COL11A2: variants seen among roughly 807,000 people sequenced by gnomAD.
COL11A2 encodes the protein collagen type XI alpha 2 chain, also known as collagen alpha-2(XI) chain.
In COL11A2, 116 loss-of-function variants were observed where a neutral mutation model predicts 273.4. The ratio of observed to expected loss-of-function variants is 0.42; its 90% CI spans 0.36 to 0.49. The LOEUF is 0.49. Among genes scored for constraint, COL11A2 ranks in the 20% least tolerant of loss-of-function variants. The pLI, the probability that COL11A2 is intolerant of heterozygous loss-of-function variation, is 0.00. For missense variants in COL11A2, 1,866 were observed against 2,309.0 expected, an observed-to-expected ratio of 0.81 and a Z score of 3.93; for synonymous variants, 782 against 864.2, an observed-to-expected ratio of 0.90 and a Z score of 1.67.
At chr6:33,168,203 A>G (rs375538818) in intron 54 of COL11A2, among the ~76,000 whole-genome samples, 3 of 152,102 alleles carry the variant, frequency 2.0e-5, no homozygotes, top group East Asian at 1.9e-4. Flanking sequence ...CCCCTGGTGA[A>G]AACATACACA....
Position 33,166,927 on chromosome 6 carries a change from C to T in COL11A2, c.4231-100G>A, listed in dbSNP as rs141473267. On this transcript the variant is annotated intron_variant, in intron 58 of 65. Coordinates refer to ENST00000341947, the MANE Select transcript of COL11A2 (RefSeq NM_080680.3). The surrounding 1 kb of genome is among the most constrained non-coding windows in gnomAD (Gnocchi z 4.8). ...TGGAGAGGGAGCCGGGCACAGGGTC[C>T]GTGAGTGGCCCTCACTGAGCAGGGA... The T allele has an allele frequency of 1.4e-5, 21 of 1,506,016 alleles. No individual in the cohort carries two copies. In the African/African-American group the frequency reaches 1.8e-4, roughly 13 times the overall value. 93.3% of individuals were successfully genotyped at this position (1,506,016 alleles called of 1,614,324 possible). A position where few individuals can be genotyped will look rare whatever the true frequency, so the allele number is the denominator to read the frequency against.
Position 33,176,751 on chromosome 6 carries a change from C to T in COL11A2, c.2085G>A (p.Lys695=), listed in dbSNP as rs368770525. ...TTCCTTTGGTTCCAGGGGGACCTTC[C>T]TTCCCTGGGTGACCCTGGGAGTAAG... ...GSDGPPGHPG[K]EGPPGTKGNQ... is the part of the protein sequence containing the mutation. The change falls in exon 26 of 66, where the codon AAG becomes AAA. Residue 695 remains lysine, a synonymous_variant. Transcript: ENST00000341947. The surrounding 1 kb of genome is among the most constrained non-coding windows in gnomAD (Gnocchi z 4.9). 37 of 1,613,016 alleles carry T rather than the reference C, an allele frequency of 2.3e-5. No individual in the cohort carries two copies. The African/African-American group carries it at 3.3e-4, about 15-fold the overall frequency.
In COL11A2 at chr6:33,178,328, G is replaced by T; in HGVS notation, c.1798C>A (p.Arg600=). The T allele has an allele frequency of 6.2e-7, 1 of 1,612,498 alleles. No homozygotes were observed. Among genetic ancestry groups the T allele is most frequent in the South Asian group, 1.1e-5 (1 of 91,054 alleles). ...ERGDDGEIGP[R]GLPGESGPRG... The stretch of plus-strand genomic sequence containing the variant: ...CTCACCGACTCTCCAGGCAGCCCTC[G>T]AGGCCCAATCTCCCCGTCATCTCCC... The change falls in exon 20 of 66, where the codon CGA becomes AGA. Residue 600 remains arginine (R), a synonymous_variant. Coordinates refer to ENST00000341947, the MANE Select transcript of COL11A2 (RefSeq NM_080680.3). This position sits in a 1 kb window ranked among gnomAD's most constrained non-coding sequence, Gnocchi z 4.6.
Position 33,171,180 on chromosome 6 carries a change from A to C in COL11A2, c.3313-13T>G, listed in dbSNP as rs758689335. 5 of 1,611,386 alleles carry C rather than the reference A, an allele frequency of 3.1e-6. No homozygotes were observed. Among genetic ancestry groups the C allele is most frequent in the Admixed American group, 1.7e-5 (1 of 59,574 alleles). ...GTCCAGGAGGGCCCTGGGTAAGAGA[A>C]GAGAGTCAGAGACACCAAAACAGGG... On this transcript the variant is annotated splice_polypyrimidine_tract_variant and intron_variant, in intron 44 of 65. Transcript: ENST00000341947.
intron 4 of COL11A2, among the ~76,000 whole-genome samples, chr6:33,187,842 A>G (rs1337338916): frequency 6.2e-5 from 1 of 16,056 alleles, no homozygotes; most frequent in African/African-American, 2.8e-4. Context: ...GCATGGGTAG[A>G]TGGGGAGGGT....
In COL11A2 at chr6:33,173,630, G is replaced by A. The variant is rs372977905; in HGVS notation, c.2628+71C>T. On this transcript the variant is annotated intron_variant, in intron 35 of 65. Coordinates refer to ENST00000341947, the MANE Select transcript of COL11A2 (RefSeq NM_080680.3). The surrounding 1 kb of genome is among the most constrained non-coding windows in gnomAD (Gnocchi z 6.3). ...GGGGGAACTCAGCTTCCTTCCTGGG[G>A]TGAGGAGGGAGCTGGCTCACCCAGG... is the stretch of plus-strand genomic sequence containing the variant. The A allele has an allele frequency of 2.2e-4, 319 of 1,447,638 alleles. 38 individuals are homozygous for A. Among genetic ancestry groups the A allele is most frequent in the East Asian group, 1.3e-3 (58 of 43,494 alleles). 89.7% of individuals were successfully genotyped at this position (1,447,638 alleles called of 1,614,324 possible).
rs781633250 is a variant in COL11A2 at position 33,163,805 on chromosome 6, C to T, written c.5084G>A (p.Arg1695Gln). The part of the protein sequence containing the change: ...FRDGCQTQQG[R>Q]TVLEVRTPVL... ...AGGCGTTCGCACCTCCAGCACCGTCCGGCCTTGCTGTGTCTTCAGGGGGAG... is the reference window on the plus strand; with the variant it reads ...AGGCGTTCGCACCTCCAGCACCGTCTGGCCTTGCTGTGTCTTCAGGGGGAG... Residue 1695 changes from arginine (R) to glutamine (Q), a missense_variant, in exon 66 of 66, where the codon CGG (arginine) becomes CAG (glutamine). Transcript: ENST00000341947. This position sits in a 1 kb window ranked among gnomAD's most constrained non-coding sequence, Gnocchi z 4.1. 26 of 1,612,882 alleles carry T rather than the reference C, an allele frequency of 1.6e-5. No individual in the cohort carries two copies. The highest frequency in any genetic ancestry group is 1.6e-4 in the Middle Eastern group (1 of 6,084).
At position 33,166,563 on chromosome 6, in the gene COL11A2, T is replaced by C. The variant is rs762997434; in HGVS notation, c.4342A>G (p.Ile1448Val). The C allele has an allele frequency of 1.2e-6, 2 of 1,613,796 alleles. No individual in the cohort carries two copies. Among genetic ancestry groups the C allele is most frequent in the Non-Finnish European group, 8.5e-7 (1 of 1,179,838 alleles). ...GSPGQKGEMG[I>V]PGASGPIGPG... ...CCAATGGGGCCGGATGCTCCTGGGA[T>C]ACCCTAGGAAGGGTAGTGGCTGGTT... The change falls in exon 60 of 66, where the codon ATC becomes GTC. Residue 1448 changes from isoleucine (I) to valine (V), a missense_variant. Physicochemically the swap from Ile to Val is conservative, Grantham distance 29. Transcript: ENST00000341947. This position sits in a 1 kb window ranked among gnomAD's most constrained non-coding sequence, Gnocchi z 4.8.
chr6:33,174,557 C>T lies in COL11A2; in HGVS notation c.2400G>A (p.Leu800=), dbSNP rs1472630945. Residue 800 remains leucine, a synonymous_variant, in exon 31 of 66, where the codon CTG becomes CTA. Coordinates refer to ENST00000341947, the MANE Select transcript of COL11A2 (RefSeq NM_080680.3). The stretch of plus-strand genomic sequence containing the variant: ...GTCCCTGACGTCCAGGATAGCCAGG[C>T]AGACCAGGAACACCCAGCTTGCCCT... ...GEKGKLGVPG[L]PGYPGRQGPK... 1.2e-6 allele frequency: 2 copies of T among 1,612,548 alleles called. No individual in the cohort carries two copies. The highest frequency in any genetic ancestry group is 2.2e-5 in the East Asian group (1 of 44,858).
rs756546914 is a variant in COL11A2 at position 33,164,268 on chromosome 6, T to C, written c.5069A>G (p.Gln1690Arg). The C allele has an allele frequency of 6.2e-7, 1 of 1,612,956 alleles. No individual in the cohort carries two copies. Among genetic ancestry groups the C allele is most frequent in the Non-Finnish European group, 8.5e-7 (1 of 1,179,994 alleles). The change falls in exon 65 of 66, where the codon CAG becomes CGG. Residue 1690 changes from glutamine (Q) to arginine (R), a missense_variant and splice_region_variant. Transcript: ENST00000341947. The surrounding 1 kb of genome is among the most constrained non-coding windows in gnomAD (Gnocchi z 4.7). The stretch of plus-strand genomic sequence containing the variant: ...CAACCCAGCTCTTCCTGTTCCCACC[T>C]GGCAGCCATCTCTGAATTCTTTGAC... ...PYVKEFRDGC[Q>R]TQQGRTVLEV... is the part of the protein sequence containing the mutation.
chr6:33,167,817 T>C lies in COL11A2; in HGVS notation c.3996A>G (p.Gln1332=). ...CCCTCACCTTGGCTCCCTTCCCTCC[T>C]TGTCGCCCCTCGGAACCAGGCGAGC... ...PAGSPGSEGR[Q]GGKGAKGDPG... The change falls in exon 55 of 66, where the codon CAA becomes CAG. Residue 1332 remains glutamine, a synonymous_variant. Coordinates refer to ENST00000341947, the MANE Select transcript of COL11A2 (RefSeq NM_080680.3). The surrounding 1 kb of genome is among the most constrained non-coding windows in gnomAD (Gnocchi z 6.1). The C allele has an allele frequency of 6.2e-7, 1 of 1,612,788 alleles. No homozygotes were observed. Among genetic ancestry groups the C allele is most frequent in the East Asian group, 2.2e-5 (1 of 44,862 alleles).
At position 33,172,581 on chromosome 6, in the gene COL11A2, C is replaced by T. The variant is rs1770263758; in HGVS notation, c.2847G>A (p.Gly949=). The T allele has an allele frequency of 1.2e-6, 2 of 1,612,588 alleles. No homozygotes were observed. Among genetic ancestry groups the T allele is most frequent in the Non-Finnish European group, 1.7e-6 (2 of 1,179,892 alleles). Residue 949 remains glycine (G), a synonymous_variant, in exon 39 of 66, where the codon GGG becomes GGA. Coordinates refer to ENST00000341947, the MANE Select transcript of COL11A2 (RefSeq NM_080680.3). ...MGERGHPGPP[G]PPGEQGLPGT... ...CAGGTAGTCCCTGCTCTCCAGGGGG[C>T]CCCGGGGGGCCTGGGTGACCTCTCT...
In COL11A2 at chr6:33,164,499, CAG is replaced by C; in HGVS notation, c.4864-28_4864-27del. 6 of 1,505,164 alleles carry C rather than the reference CAG, an allele frequency of 4.0e-6. No individual in the cohort carries two copies. Among genetic ancestry groups the C allele is most frequent in the Non-Finnish European group, 5.4e-6 (6 of 1,119,358 alleles). The allele number at this position is 1,505,164 out of a possible 1,614,324, so 93.2% of individuals were successfully genotyped here. ...CTGGAAGGAGAGAGAGGGCTGGCCT[CAG>C]AGGGGGAGAGAGAGGGCTGGCCTCA... On this transcript the variant is annotated intron_variant, in intron 64 of 65. Transcript: ENST00000341947. The surrounding 1 kb of genome is among the most constrained non-coding windows in gnomAD (Gnocchi z 4.7).
At chr6:33,172,244 A>T (rs758384148) in intron 40 of COL11A2, 45 bp downstream of exon 40, 1 of 1,584,620 alleles carries the variant, frequency 6.3e-7, no homozygotes, top group Non-Finnish European at 8.6e-7. Flanking sequence ...GGGACTCAGG[A>T]TGCTTGGTGC....
Position 33,179,926 on chromosome 6 carries a change from A to G in COL11A2, c.1360-121T>C, listed in dbSNP as rs1771505178. 3 of 920,122 alleles carry G rather than the reference A, an allele frequency of 3.3e-6. No individual in the cohort carries two copies. The highest frequency in any genetic ancestry group is 3.8e-5 in the Admixed American group (2 of 52,040). 57.0% of individuals were successfully genotyped at this position (920,122 alleles called of 1,614,324 possible). A position where few individuals can be genotyped will look rare whatever the true frequency, so the allele number is the denominator to read the frequency against. ...AGGTTCTGCCCATCCAGCATTTCCC[A>G]TGGCTTCCAGATAATCACTTAGAGG... is the stretch of plus-strand genomic sequence containing the variant. On this transcript the variant is annotated intron_variant, in intron 12 of 65. Transcript: ENST00000341947. This position sits in a 1 kb window ranked among gnomAD's most constrained non-coding sequence, Gnocchi z 6.4.
Position 33,169,447 on chromosome 6 carries a change from G to A in COL11A2, c.3734C>T (p.Pro1245Leu), listed in dbSNP as rs570577392. 2.5e-6 allele frequency: 4 copies of A among 1,612,956 alleles called. No homozygotes were observed. The South Asian group carries it at 3.3e-5, about 13-fold the overall frequency. Residue 1245 changes from proline to leucine, a missense_variant, in exon 51 of 66, where the codon CCA becomes CTA. Coordinates refer to ENST00000341947, the MANE Select transcript of COL11A2 (RefSeq NM_080680.3). The surrounding 1 kb of genome is among the most constrained non-coding windows in gnomAD (Gnocchi z 5.5). ...ERGEKGESGQ[P>L]GEPGPPGPKG... Reference sequence around the variant, plus strand: ...AGGCCCTGGTGGCCCTGGCTCTCCTGGCTGCCCCGACTCTCCTTTCTCTCC... The same window carrying A: ...AGGCCCTGGTGGCCCTGGCTCTCCTAGCTGCCCCGACTCTCCTTTCTCTCC...
rs765379882 is a variant in COL11A2 at position 33,166,250 on chromosome 6, G to A, written c.4393-44C>T. The A allele has an allele frequency of 1.8e-5, 29 of 1,579,774 alleles. No individual in the cohort carries two copies. In the Admixed American group the frequency reaches 4.9e-4, roughly 27 times the overall value. On this transcript the variant is annotated intron_variant, in intron 60 of 65. Transcript: ENST00000341947. This position sits in a 1 kb window ranked among gnomAD's most constrained non-coding sequence, Gnocchi z 4.8. ...GAAAGAGACGGTCACTGCAGGGGAA[G>A]GACAGGACTCAGAGGAGCGGGGAGG... is the stretch of plus-strand genomic sequence containing the variant.
chr6:33,192,305 G>T lies in COL11A2; in HGVS notation c.-65C>A. ...CGGCCTGAGACGCTGGATGCCCTGAGGCTGACAGAAGACAGGGAGCAGACT... is the reference window on the plus strand; with the variant it reads ...CGGCCTGAGACGCTGGATGCCCTGATGCTGACAGAAGACAGGGAGCAGACT... On this transcript the variant is annotated 5_prime_UTR_variant, in exon 1 of 66. Transcript: ENST00000341947. 1.4e-6 allele frequency: 2 copies of T among 1,457,938 alleles called. No homozygotes were observed. Among genetic ancestry groups the T allele is most frequent in the Non-Finnish European group, 9.4e-7 (1 of 1,066,418 alleles). 90.3% of individuals were successfully genotyped at this position (1,457,938 alleles called of 1,614,324 possible). A position where few individuals can be genotyped will look rare whatever the true frequency, so the allele number is the denominator to read the frequency against.
Position 33,172,540 on chromosome 6 carries a change from T to A in COL11A2, c.2888A>T (p.Glu963Val). Residue 963 changes from glutamate (E) to valine (V), a missense_variant, in exon 39 of 66, where the codon GAA (glutamate) becomes GTA (valine). Physicochemically the swap from Glu to Val is moderately radical, Grantham distance 121. Transcript: ENST00000341947. Reference protein sequence around the residue: ...EQGLPGTAGKEGTKGDPGPPG... With the variant: ...EQGLPGTAGKVGTKGDPGPPG... ...TGGCCCCTCACTGACCTTTGTTCCTTCTTTTCCAGCTGTCCCAGGTAGTCC... is the reference window on the plus strand; with the variant it reads ...TGGCCCCTCACTGACCTTTGTTCCTACTTTTCCAGCTGTCCCAGGTAGTCC... 1 of 1,612,638 alleles carries A rather than the reference T, an allele frequency of 6.2e-7. No homozygotes were observed. The highest frequency in any genetic ancestry group is 8.5e-7 in the Non-Finnish European group (1 of 1,179,904).
Sources: allele counts gnomAD v4.1 joint callset (sites outside exome capture counted in the v4.1 genomes callset), GRCh38; gene constraint gnomAD v4.1.1; non-coding constraint Gnocchi (gnomAD v3.1); transcripts MANE v1.5; gene names NCBI Gene and HGNC (gene_info 2026-07-23, HGNC 2026-07-21).